MIER2: variants seen among roughly 807,000 people sequenced by gnomAD.
MIER2 encodes MIER family member 2.
In MIER2, 30 loss-of-function variants were observed where a neutral mutation model predicts 67.6. The observed-to-expected ratio is 0.44, with a 90% CI of 0.33 to 0.60. MIER2 has a LOEUF of 0.60. Ranked by LOEUF, MIER2 falls within the 20% of genes least tolerant of loss-of-function variation. MIER2 has a pLI of 0.02. For synonymous variants in MIER2, 372 were observed against 312.6 expected (o/e 1.19, Z -2.00); for missense variants, 702 against 745.1 (o/e 0.94, Z 0.67).
rs1413824803 is a variant in MIER2, at chr19:336,128, C to T, written c.55G>A (p.Glu19Lys). 5 of 1,613,738 alleles carry T rather than the reference C, an allele frequency of 3.1e-6. No homozygotes were observed. Among genetic ancestry groups the T allele is most frequent in the Non-Finnish European group, 4.2e-6 (5 of 1,179,914 alleles). Reference protein sequence around the residue: ...RQSPRVVSCLEHSLCPGEPGL... With the variant: ...RQSPRVVSCLKHSLCPGEPGL... ...GGCTCCCCTGGGCACAGGCTGTGCT[C>T]GAGGCAGGAGACCACGCGAGGACTC... The change falls in exon 2 of 14, where the codon GAG becomes AAG. Residue 19 changes from glutamate (E) to lysine (K), a missense_variant. Coordinates refer to ENST00000264819, the MANE Select transcript of MIER2 (RefSeq NM_017550.3).
chr19:332,773 G>A (rs1330358867), intron 3 of MIER2, among the ~76,000 whole-genome samples: 1 of 76,708 alleles, frequency 1.3e-5, no homozygotes, highest in African/African-American at 5.5e-5. Context: ...TAATAAAAAA[G>A]CAATAGATAA....
At chr19:340,297 C>T (rs866373742) in intron 1 of MIER2, among the ~76,000 whole-genome samples, 1 of 152,188 alleles carries the variant, frequency 6.6e-6, no homozygotes, top group Non-Finnish European at 1.5e-5. Context: ...GCAGGGGTTA[C>T]GGGTGCCAAC....
chr19:317,531 A>AAAAAAAAT (rs1568222995), intron 7 of MIER2, among the ~76,000 whole-genome samples: 1 of 143,928 alleles, frequency 6.9e-6, no homozygotes, highest in African/African-American at 2.6e-5. Context: ...TGTCTCAGAA[A>AAAAAAAAT]AAATAAATAA....
intron 4 of MIER2, 124 bp downstream of exon 4, chr19:327,740 T>C (rs1971825210): frequency 6.9e-7 from 1 of 1,449,776 alleles, no homozygotes; most frequent in Admixed American, 2.4e-5. Flanking sequence ...TGGTCACAGG[T>C]ACATTCTACT....
chr19:329,815 G>A (rs112715970), intron 3 of MIER2, among the ~76,000 whole-genome samples: 387 of 143,820 alleles, frequency 2.7e-3, no homozygotes, highest in African/African-American at 9.4e-3. Flanking sequence ...GCAGTGAGCC[G>A]ACATTGTGCT....
chr19:324,976 T>C (rs1168276783), intron 7 of MIER2, among the ~76,000 whole-genome samples: 1 of 152,140 alleles, frequency 6.6e-6, no homozygotes, highest in Admixed American at 6.5e-5. Context: ...TCACGGAGGG[T>C]CCCTGTCTCC....
At chr19:336,311 A>T (rs1600171883) in intron 1 of MIER2, 138 bp from the exon 2 acceptor site, 3 of 674,154 alleles carry the variant, frequency 4.5e-6, no homozygotes, top group Non-Finnish European at 5.0e-6. Context: ...TCCGCCTCTG[A>T]GGGCTGGGGG....
rs371603611 is a variant in MIER2 at position 308,893 on chromosome 19, C to T, written c.1017G>A (p.Glu339=). The T allele has an allele frequency of 3.7e-6, 6 of 1,609,146 alleles. No individual in the cohort carries two copies. The African/African-American group carries it at 8.0e-5, about 22-fold the overall frequency. The part of the protein sequence containing the change: ...VRTRSVGECV[E]YYYLWKKSER... ...CCGACTTCTTCCACAGGTAGTAGTA[C>T]TCGACACACTCGCCCACTGACCGTG... Residue 339 remains glutamate (E), a synonymous_variant, in exon 11 of 14, where the codon GAG becomes GAA. Transcript: ENST00000264819. This position sits in a 1 kb window ranked among gnomAD's most constrained non-coding sequence, Gnocchi z 9.1.
rs967454097 is a variant in MIER2, at chr19:306,561, T to G, written c.*129A>C. 37 of 1,266,674 alleles carry G rather than the reference T, an allele frequency of 2.9e-5. No individual in the cohort carries two copies. The African/African-American group carries it at 5.2e-4, about 18-fold the overall frequency. 78.5% of individuals were successfully genotyped at this position (1,266,674 alleles called of 1,614,324 possible). On this transcript the variant is annotated 3_prime_UTR_variant, in exon 14 of 14. Transcript: ENST00000264819. ...GCCACCTCACCCCAGTCCTGACGTGTTCTGAAGCAGAAGGAGGTGCTACCC... is the reference window on the plus strand; with the variant it reads ...GCCACCTCACCCCAGTCCTGACGTGGTCTGAAGCAGAAGGAGGTGCTACCC...
chr19:312,296 T>C (rs1600118184), intron 8 of MIER2, 24 bp from the exon 9 acceptor site: 4 of 1,610,392 alleles, frequency 2.5e-6, no homozygotes, highest in East Asian at 4.5e-5. Flanking sequence ...ATGTTGGCTC[T>C]TCCATGGGCT....
At chr19:306,983 CT>C in intron 13 of MIER2, 135 bp downstream of exon 13, 3 of 1,101,194 alleles carry the variant, frequency 2.7e-6, no homozygotes, top group Non-Finnish European at 3.8e-6. Context: ...TAAAGACACA[CT>C]GAGAGCCTGC....
intron 4 of MIER2, among the ~76,000 whole-genome samples, chr19:327,482 G>A (rs914162219): frequency 2.0e-5 from 3 of 152,216 alleles, no homozygotes; most frequent in Non-Finnish European, 4.4e-5. Flanking sequence ...GCTGCCACTG[G>A]GCACACGCCC....
At chr19:336,350 G>A (rs11880770) in intron 1 of MIER2, among the ~76,000 whole-genome samples, 177 bp from the exon 2 acceptor site, 28,742 of 152,242 alleles carry the variant, frequency 0.19, 4,198 homozygotes, top group African/African-American at 0.4. Flanking sequence ...GCATGTGGCC[G>A]CCACTCGCCC....
At chr19:319,125 G>C (rs999682178) in intron 7 of MIER2, among the ~76,000 whole-genome samples, 6 of 151,678 alleles carry the variant, frequency 4.0e-5, no homozygotes, top group African/African-American at 1.5e-4. Context: ...TCTTTGGGAG[G>C]CCAAGGTGGG....
chr19:310,291 C>A (rs990322807), intron 10 of MIER2, among the ~76,000 whole-genome samples: 3 of 152,234 alleles, frequency 2.0e-5, no homozygotes, highest in Non-Finnish European at 4.4e-5. Context: ...CCATGCTCAC[C>A]GCTGCGAGAA....
intron 9 of MIER2, 33 bp downstream of exon 9, chr19:312,158 C>A: frequency 1.3e-6 from 2 of 1,542,460 alleles, no homozygotes; most frequent in Non-Finnish European, 1.8e-6. Flanking sequence ...AGGGCGGGGC[C>A]GCAGCGGAAG....
At chr19:319,856 C>T (rs1971423725) in intron 7 of MIER2, among the ~76,000 whole-genome samples, 1 of 152,022 alleles carries the variant, frequency 6.6e-6, no homozygotes, top group South Asian at 2.1e-4. Context: ...AAACCAGACA[C>T]GGACAAATAA....
intron 7 of MIER2, among the ~76,000 whole-genome samples, chr19:314,299 G>A (rs966020579): frequency 3.3e-5 from 5 of 152,160 alleles, no homozygotes; most frequent in South Asian, 2.1e-4. Context: ...AAAAGTCCAC[G>A]ACCTCAGATG....
intron 1 of MIER2, among the ~76,000 whole-genome samples, chr19:337,552 G>C (rs1012553838): frequency 4.6e-5 from 7 of 152,104 alleles, no homozygotes; most frequent in African/African-American, 1.4e-4. Context: ...CAGCGTAAAA[G>C]CATCAAATAA....
Sources: gnomAD v4.1 joint callset for allele counts (sites outside exome capture counted in the v4.1 genomes callset) on GRCh38, gnomAD v4.1.1 for gene constraint, Gnocchi (gnomAD v3.1) non-coding constraint, MANE v1.5 for transcripts, NCBI Gene and HGNC (gene_info 2026-07-23, HGNC 2026-07-21) for gene names.